ZNF181: variants seen among roughly 807,000 people sequenced by gnomAD.
The protein encoded by ZNF181 is zinc finger protein 181 (HHZ181).
Under a neutral mutation model 11.9 loss-of-function variants are expected in ZNF181, and 8 were observed. That is an observed-to-expected ratio of 0.67 (90% CI 0.39 to 1.21). The LOEUF (loss-of-function observed/expected upper bound fraction) is 1.21. Among genes scored for constraint, ZNF181 ranks in the 50% most tolerant of loss-of-function variants. ZNF181 has a pLI of 0.01. For synonymous variants in ZNF181, 202 were observed against 221.1 expected (o/e 0.91, Z 0.77); for missense variants, 542 against 670.9 (o/e 0.81, Z 2.12).
chr19:34,736,296 C>T (rs1173074845), intron 1 of ZNF181: 2 of 642,390 alleles, frequency 3.1e-6, no homozygotes, highest in African/African-American at 3.6e-5. Flanking sequence ...TGGTACATGC[C>T]TGTTTTTCCA....
In ZNF181 at chr19:34,740,788, A is replaced by C. The variant is rs370173129; in HGVS notation, c.407A>C (p.Asp136Ala). ...KLEGKHGSQV[D>A]HFRPAILTSR... is the part of the protein sequence containing the mutation. ...GAAGGGAAGCATGGAAGTCAGGTAG[A>C]CCATTTCAGACCAGCAATTCTCACC... Residue 136 changes from aspartate (D) to alanine (A), a missense_variant, in exon 4 of 4, where the codon GAC becomes GCC. Asp to Ala is a moderately radical substitution (Grantham distance 126). Coordinates refer to ENST00000492450, the MANE Select transcript of ZNF181 (RefSeq NM_001029997.4). 16 of 1,613,928 alleles carry C rather than the reference A, an allele frequency of 9.9e-6. No individual in the cohort carries two copies. The highest frequency in any genetic ancestry group is 1.6e-4 in the Middle Eastern group (1 of 6,084).
At chr19:34,738,041 C>T (rs1416790810) in intron 1 of ZNF181, among the ~76,000 whole-genome samples, 1 of 152,226 alleles carries the variant, frequency 6.6e-6, no homozygotes, top group African/African-American at 2.4e-5. Flanking sequence ...AACCATCCTT[C>T]AGTCTTTTCA....
At position 34,744,895 on chromosome 19, in the gene ZNF181, T is replaced by G. The variant is rs1217719979; in HGVS notation, c.*2798T>G. The G allele has an allele frequency of 6.6e-6, 1 of 152,196 alleles. No individual in the cohort carries two copies. Among genetic ancestry groups the G allele is most frequent in the Non-Finnish European group, 1.5e-5 (1 of 68,034 alleles). 9.4% of individuals were successfully genotyped at this position (152,196 alleles called of 1,614,324 possible). On this transcript the variant is annotated 3_prime_UTR_variant, in exon 4 of 4. Transcript: ENST00000492450. ...TTAATGCTACCATGTCACTTTGTTA[T>G]GAGAGGATTCATCGAAATACCTGTG... is the stretch of plus-strand genomic sequence containing the variant.
Position 34,739,569 on chromosome 19 carries a change from T to C in ZNF181, c.177T>C (p.Asp59=), listed in dbSNP as rs1161369462. 6.2e-7 allele frequency: 1 copy of C among 1,614,098 alleles called. No homozygotes were observed. The highest frequency in any genetic ancestry group is 1.3e-5 in the African/African-American group (1 of 75,020). ...TKPYVITLLE[D]GKEPWMMEKK... is the part of the protein sequence containing the mutation. ...CATATGTGATCACGTTATTGGAGGA[T>C]GGAAAAGAGCCCTGGATGATGGAGA... The change falls in exon 3 of 4, where the codon GAT becomes GAC. Residue 59 remains aspartate, a synonymous_variant. Transcript: ENST00000492450.
At position 34,739,503 on chromosome 19, in the gene ZNF181, T is replaced by C. The variant is rs1430699990; in HGVS notation, c.131-20T>C. 6.2e-7 allele frequency: 1 copy of C among 1,613,794 alleles called. No homozygotes were observed. Among genetic ancestry groups the C allele is most frequent in the Non-Finnish European group, 8.5e-7 (1 of 1,179,766 alleles). ...TAATAGAGGACCACGGCTTAAACAA[T>C]TCTGTATTCTTCCTGTAAGCAGGTC... On this transcript the variant is annotated intron_variant, in intron 2 of 3. Coordinates refer to ENST00000492450, the MANE Select transcript of ZNF181 (RefSeq NM_001029997.4).
At position 34,739,506 on chromosome 19, in the gene ZNF181, T is replaced by C; in HGVS notation, c.131-17T>C. The C allele has an allele frequency of 6.2e-7, 1 of 1,613,900 alleles. No homozygotes were observed. Among genetic ancestry groups the C allele is most frequent in the Non-Finnish European group, 8.5e-7 (1 of 1,179,838 alleles). On this transcript the variant is annotated splice_polypyrimidine_tract_variant and intron_variant, in intron 2 of 3. Transcript: ENST00000492450. ...TAGAGGACCACGGCTTAAACAATTC[T>C]GTATTCTTCCTGTAAGCAGGTCTTT... is the stretch of plus-strand genomic sequence containing the variant.
rs1472633457 is a variant in ZNF181 at position 34,741,080 on chromosome 19, A to G, written c.699A>G (p.Arg233=). ...KSLTLPQTCN[R]EKIYTCSECG... is the part of the protein sequence containing the mutation. ...TTACCCTTCCCCAGACTTGTAATAG[A>G]GAGAAAATCTATACATGCAGTGAAT... The change falls in exon 4 of 4, where the codon AGA becomes AGG. Residue 233 remains arginine, a synonymous_variant. Coordinates refer to ENST00000492450, the MANE Select transcript of ZNF181 (RefSeq NM_001029997.4). 6.2e-7 allele frequency: 1 copy of G among 1,614,138 alleles called. No individual in the cohort carries two copies. The highest frequency in any genetic ancestry group is 2.2e-5 in the East Asian group (1 of 44,884).
chr19:34,740,572 A>C, intron 3 of ZNF181, 39 bp from the exon 4 acceptor site: 1 of 1,519,076 alleles, frequency 6.6e-7, no homozygotes. Flanking sequence ...ATAGTTAAAA[A>C]AAAACAAAAC....
chr19:34,738,616 C>T (rs2068922800), intron 1 of ZNF181, among the ~76,000 whole-genome samples: 1 of 151,818 alleles, frequency 6.6e-6, no homozygotes, highest in South Asian at 2.1e-4. Flanking sequence ...CAACCTCCGC[C>T]TCTTGGGTTC....
Position 34,740,930 on chromosome 19 carries a change from CA to C in ZNF181, c.552del (p.Lys184AsnfsTer5), listed in dbSNP as rs770120838. ...AAATTTCTGCTGAAGGGAATTCACACAAATATGATATATTAAAGAAGAACTT... is the reference window on the plus strand; with the variant it reads ...AAATTTCTGCTGAAGGGAATTCACACAATATGATATATTAAAGAAGAACTT... ...QKISAEGNSH[K>X]YDILKKNLPK... On this transcript the variant is annotated frameshift_variant, in exon 4 of 4. Coordinates refer to ENST00000492450, the MANE Select transcript of ZNF181 (RefSeq NM_001029997.4). LOFTEE classifies it low-confidence loss of function (END_TRUNC). 1 of 1,613,546 alleles carries C rather than the reference CA, an allele frequency of 6.2e-7. No homozygotes were observed. Among genetic ancestry groups the C allele is most frequent in the African/African-American group, 1.3e-5 (1 of 74,806 alleles).
rs1390670494 is a variant in ZNF181, at chr19:34,743,797, A to G, written c.*1700A>G. 6.6e-6 allele frequency: 1 copy of G among 152,232 alleles called. No individual in the cohort carries two copies. Among genetic ancestry groups the G allele is most frequent in the Non-Finnish European group, 1.5e-5 (1 of 68,044 alleles). 9.4% of individuals were successfully genotyped at this position (152,232 alleles called of 1,614,324 possible). On this transcript the variant is annotated 3_prime_UTR_variant, in exon 4 of 4. Transcript: ENST00000492450. ...TTTGAAAGCACTAATTTGCAGCAAT[A>G]TATGTCTTGAAATAGTTAAGAGAGA...
At chr19:34,736,107 T>C (rs1490257822) in intron 1 of ZNF181, 2 of 702,936 alleles carry the variant, frequency 2.8e-6, no homozygotes, top group Non-Finnish European at 5.2e-6. Context: ...TGGCACCAAA[T>C]AGATGCTTAG....
At position 34,739,630 on chromosome 19, in the gene ZNF181, T is replaced by C. The variant is rs748431237; in HGVS notation, c.229+9T>C. 4 of 1,613,976 alleles carry C rather than the reference T, an allele frequency of 2.5e-6. No individual in the cohort carries two copies. The highest frequency in any genetic ancestry group is 1.6e-4 in the Middle Eastern group (1 of 6,062). On this transcript the variant is annotated intron_variant, in intron 3 of 3. Transcript: ENST00000492450. ...AAAAGGTATGATTCCAGGTGAGTCA[T>C]GGTGAACGAGACAAAGGAAGATTTT...
At chr19:34,739,472 C>T in intron 2 of ZNF181, 51 bp from the exon 3 acceptor site, 1 of 1,607,838 alleles carries the variant, frequency 6.2e-7, no homozygotes, top group South Asian at 1.1e-5. Context: ...TTGTGATGGC[C>T]TCTCATAATA....
At chr19:34,737,680 CT>C (rs1170659029) in intron 1 of ZNF181, among the ~76,000 whole-genome samples, 1 of 152,138 alleles carries the variant, frequency 6.6e-6, no homozygotes, top group Non-Finnish European at 1.5e-5. Flanking sequence ...GGTGCCCAAC[CT>C]TTTTGGCACC....
rs745484183 is a variant in ZNF181, at chr19:34,736,226, G to C, written c.9+1180G>C. On this transcript the variant is annotated intron_variant, in intron 1 of 3. Transcript: ENST00000492450. ...GGGGATGTGAGTAGCAGATGTACAT[G>C]TTGGGTGAAGTCTGTTTTCTTGGAG... The C allele has an allele frequency of 1.3e-5, 9 of 697,574 alleles. No homozygotes were observed. The South Asian group carries it at 1.4e-4, about 11-fold the overall frequency. 43.2% of individuals were successfully genotyped at this position (697,574 alleles called of 1,614,324 possible).
chr19:34,738,551 T>G (rs1274395481), intron 1 of ZNF181, among the ~76,000 whole-genome samples: 1 of 145,172 alleles, frequency 6.9e-6, no homozygotes, highest in African/African-American at 2.6e-5. Context: ...TTTGTTTTTG[T>G]TTTTTTTTTT....
In ZNF181 at chr19:34,739,066, AC is replaced by A; in HGVS notation, c.10-81del. 4.4e-6 allele frequency: 7 copies of A among 1,587,050 alleles called. No homozygotes were observed. In the South Asian group the frequency reaches 8.0e-5, roughly 18 times the overall value. ...TCCTGAATCTTGTTCCATTTCTCCC[AC>A]AACCAGGCTAATTTTACCCTTTCTT... is the stretch of plus-strand genomic sequence containing the variant. On this transcript the variant is annotated intron_variant, in intron 1 of 3. Transcript: ENST00000492450.
chr19:34,737,192 A>G (rs571158015), intron 1 of ZNF181, among the ~76,000 whole-genome samples: 1 of 152,246 alleles, frequency 6.6e-6, no homozygotes, highest in Non-Finnish European at 1.5e-5. Context: ...ATTAAGTAAT[A>G]AAACTGTGTT....
Sources: allele counts gnomAD v4.1 joint callset (sites outside exome capture counted in the v4.1 genomes callset), GRCh38; gene constraint gnomAD v4.1.1; transcripts MANE v1.5; gene names NCBI Gene and HGNC (gene_info 2026-07-23, HGNC 2026-07-21).